Variants in THRB observed in about 807,000 individuals in gnomAD.
THRB encodes nuclear receptor subfamily 1 group A member 2.
THRB carries 12 observed loss-of-function variants against 47.8 expected under a neutral mutation model. That is an observed-to-expected ratio of 0.25 (90% confidence interval 0.16 to 0.41). The LOEUF (loss-of-function observed/expected upper bound fraction) is 0.41. Among genes scored for constraint, THRB ranks in the 10% least tolerant of loss-of-function variants. THRB has a pLI of 1.00. For missense variants in THRB, 348 were observed against 589.2 expected (o/e 0.59, Z 4.24); for synonymous variants, 218 against 212.2 (o/e 1.03, Z -0.24).
intron 1 of THRB, among the ~76,000 whole-genome samples, chr3:24,381,622 T>C (rs925458423): frequency 6.6e-6 from 1 of 152,192 alleles, no homozygotes; most frequent in African/African-American, 2.4e-5. Context: ...TTTCCACTGG[T>C]AAGACTGAAA....
chr3:24,363,927 T>C (rs1425493724), intron 1 of THRB, among the ~76,000 whole-genome samples: 1 of 152,164 alleles, frequency 6.6e-6, no homozygotes, highest in Admixed American at 6.6e-5. Context: ...TGTGATTATT[T>C]TCCATTTCTT....
chr3:24,479,790 A>G (rs1272940066), intron 1 of THRB, among the ~76,000 whole-genome samples: 1 of 152,102 alleles, frequency 6.6e-6, no homozygotes, highest in Non-Finnish European at 1.5e-5. Context: ...TGCCTCGACT[A>G]TACTCCCATG....
At chr3:24,356,895 A>G (rs2063709503) in intron 1 of THRB, among the ~76,000 whole-genome samples, 1 of 152,132 alleles carries the variant, frequency 6.6e-6, no homozygotes, top group Non-Finnish European at 1.5e-5. Context: ...CCCTTACACC[A>G]AAGATGGTCT....
intron 3 of THRB, among the ~76,000 whole-genome samples, chr3:24,234,894 G>A (rs963493417): frequency 1.3e-5 from 2 of 152,202 alleles, no homozygotes; most frequent in African/African-American, 2.4e-5. Flanking sequence ...CACTGCAAAT[G>A]TAGTTTCAGG....
At chr3:24,401,330 C>T (rs2067383404) in intron 1 of THRB, among the ~76,000 whole-genome samples, 1 of 152,008 alleles carries the variant, frequency 6.6e-6, no homozygotes, top group South Asian at 2.1e-4. Context: ...ATCATAAGGT[C>T]TGGCATGTTT....
chr3:24,271,314 C>G lies in THRB; in HGVS notation c.-43+25912G>C, dbSNP rs575342187. On this transcript the variant is annotated intron_variant, in intron 3 of 10. Coordinates refer to ENST00000646209, the MANE Select transcript of THRB (RefSeq NM_001354712.2). ...ACTTGCTCTTTTTTCTCTGTTCTATCTCTCAGGATCAGCAGCTCAAAAAAA... is the reference window on the plus strand; with the variant it reads ...ACTTGCTCTTTTTTCTCTGTTCTATGTCTCAGGATCAGCAGCTCAAAAAAA... Among the ~76,000 whole-genome samples, 6 of 152,270 alleles carry G rather than the reference C, an allele frequency of 3.9e-5. No homozygotes were observed. In the East Asian group the frequency reaches 1.2e-3, roughly 29 times the overall value.
intron 2 of THRB, among the ~76,000 whole-genome samples, chr3:24,313,507 C>T (rs1482588436): frequency 6.6e-6 from 1 of 152,130 alleles, no homozygotes; most frequent in Non-Finnish European, 1.5e-5. Context: ...TTTTAAAAAG[C>T]CCATTACCAA....
At chr3:24,180,016 C>A (rs1287133397) in intron 5 of THRB, among the ~76,000 whole-genome samples, 2 of 152,190 alleles carry the variant, frequency 1.3e-5, no homozygotes, top group African/African-American at 2.4e-5. Context: ...GAACCCATTG[C>A]AGATACCTGT....
intron 3 of THRB, among the ~76,000 whole-genome samples, chr3:24,255,363 TATATAC>T (rs1322462968): frequency 1.3e-5 from 2 of 152,208 alleles, no homozygotes; most frequent in African/African-American, 2.4e-5. Flanking sequence ...TATAATACAA[TATATAC>T]ATATACAATA....
chr3:24,363,446 G>A (rs1271458674), intron 1 of THRB, among the ~76,000 whole-genome samples: 1 of 152,086 alleles, frequency 6.6e-6, no homozygotes, highest in Non-Finnish European at 1.5e-5. Context: ...AAAGCCTCAG[G>A]GGAACTTGGT....
At chr3:24,272,449 C>A (rs999735941) in intron 3 of THRB, among the ~76,000 whole-genome samples, 1 of 152,050 alleles carries the variant, frequency 6.6e-6, no homozygotes, top group Non-Finnish European at 1.5e-5. Context: ...ATAAAATTTC[C>A]CTATATACCA....
At chr3:24,326,650 A>G (rs1347642072) in intron 2 of THRB, among the ~76,000 whole-genome samples, 3 of 152,060 alleles carry the variant, frequency 2.0e-5, no homozygotes, top group African/African-American at 7.2e-5. Flanking sequence ...GTGTTTTCCC[A>G]AAGGGAGCTA....
chr3:24,253,457 A>G (rs1321980739), intron 3 of THRB, among the ~76,000 whole-genome samples: 4 of 152,218 alleles, frequency 2.6e-5, no homozygotes, highest in Non-Finnish European at 5.9e-5. Context: ...GACACAGGCA[A>G]TTAAACAAAT....
At chr3:24,341,249 T>TTTTTTTAG (rs2062631158) in intron 1 of THRB, among the ~76,000 whole-genome samples, 1 of 149,340 alleles carries the variant, frequency 6.7e-6, no homozygotes, top group Non-Finnish European at 1.5e-5. Context: ...TTTTTTTTTT[T>TTTTTTTAG]GAGACAGGGT....
chr3:24,476,710 T>C (rs1299848281), intron 1 of THRB, among the ~76,000 whole-genome samples: 5 of 152,214 alleles, frequency 3.3e-5, no homozygotes, highest in African/African-American at 4.8e-5. Flanking sequence ...TGTTTTTCTC[T>C]TGAATTAAGA....
chr3:24,239,521 C>G (rs892824082), intron 3 of THRB, among the ~76,000 whole-genome samples: 2 of 151,844 alleles, frequency 1.3e-5, no homozygotes, highest in Admixed American at 6.6e-5. Flanking sequence ...GCTATGTTGC[C>G]CAGGCTGGTC....
chr3:24,400,617 C>T (rs1397124949), intron 1 of THRB, among the ~76,000 whole-genome samples: 1 of 151,992 alleles, frequency 6.6e-6, no homozygotes, highest in Non-Finnish European at 1.5e-5. Flanking sequence ...CTCCTTCAAA[C>T]GAGGCACAGT....
In THRB at chr3:24,120,927, T is replaced by C. The variant is rs541524344; in HGVS notation, c.*1957A>G. 2.2e-4 allele frequency: 33 copies of C among 152,356 alleles called. No individual in the cohort carries two copies. Among genetic ancestry groups the C allele is most frequent in the African/African-American group, 7.5e-4 (31 of 41,588 alleles). 9.4% of individuals were successfully genotyped at this position (152,356 alleles called of 1,614,324 possible). Reference sequence around the variant, plus strand: ...ATGCATTGAATATTTAATTCCCCGCTCCCAGATAATTTCCAATCATACTTG... The same window carrying C: ...ATGCATTGAATATTTAATTCCCCGCCCCCAGATAATTTCCAATCATACTTG... On this transcript the variant is annotated 3_prime_UTR_variant, in exon 11 of 11. Coordinates refer to ENST00000646209, the MANE Select transcript of THRB (RefSeq NM_001354712.2).
At chr3:24,379,561 G>A (rs2065541886) in intron 1 of THRB, among the ~76,000 whole-genome samples, 1 of 152,034 alleles carries the variant, frequency 6.6e-6, no homozygotes, top group Non-Finnish European at 1.5e-5. Flanking sequence ...GGAGTGGAAG[G>A]GACTATAAGG....
Sources: gnomAD v4.1 joint callset for allele counts (sites outside exome capture counted in the v4.1 genomes callset) on GRCh38, gnomAD v4.1.1 for gene constraint, MANE v1.5 for transcripts, NCBI Gene and HGNC (gene_info 2026-07-23, HGNC 2026-07-21) for gene names.